The following KIAA0825 variants were observed in gnomAD, a reference collection of about 807,000 sequenced individuals.
The protein encoded by KIAA0825 is uncharacterized protein KIAA0825.
In KIAA0825, 119 loss-of-function variants were observed where a neutral mutation model predicts 147.6. That is an observed-to-expected ratio of 0.81 (90% CI 0.69 to 0.94). The LOEUF (loss-of-function observed/expected upper bound fraction) is 0.94, where lower values mean the gene tolerates loss of function less well. Ranked by LOEUF, KIAA0825 falls within the 40% of genes least tolerant of loss-of-function variation. The pLI, the probability that KIAA0825 is intolerant of heterozygous loss-of-function variation, is 0.00. For synonymous variants in KIAA0825, 470 were observed against 518.1 expected (o/e 0.91, Z 1.26); for missense variants, 1,381 against 1,472.7 (o/e 0.94, Z 1.02).
At chr5:94,537,188 G>A (rs1772214974) in intron 2 of KIAA0825, 61 bp from the exon 3 acceptor site, 1 of 1,378,876 alleles carries the variant, frequency 7.3e-7, no homozygotes, top group Non-Finnish European at 9.8e-7. Flanking sequence ...AGGGATAGGG[G>A]TGGGCAGAAA....
intron 12 of KIAA0825, among the ~76,000 whole-genome samples, chr5:94,453,496 A>AT (rs906414417): frequency 6.6e-6 from 1 of 151,836 alleles, no homozygotes; most frequent in Admixed American, 6.6e-5. Flanking sequence ...TCAGTTAAAG[A>AT]TTTTTACACA....
rs981986789 is a variant in KIAA0825, at chr5:94,597,255, A to G, written c.-152-14672T>C. On this transcript the variant is annotated intron_variant, in intron 1 of 20. Transcript: ENST00000682413. ...CCATCAAGAACATTATCCAAAATAG[A>G]CCATGTACCTAGGTCATAAACAAGT... 1.1e-4 allele frequency among the ~76,000 whole-genome samples: 17 copies of G among 152,298 alleles called. 1 individual carries two copies. The highest frequency in any genetic ancestry group is 3.8e-4 in the African/African-American group (16 of 41,566).
intron 1 of KIAA0825, among the ~76,000 whole-genome samples, chr5:94,605,702 A>G (rs145035017): frequency 0.019 from 2,962 of 152,312 alleles, 77 homozygotes; most frequent in African/African-American, 0.058. Flanking sequence ...AAGGCTTTTG[A>G]TAACATTCAA....
intron 16 of KIAA0825, among the ~76,000 whole-genome samples, chr5:94,402,573 G>T (rs183728): frequency 0.11 from 17,078 of 151,736 alleles, 1,137 homozygotes; most frequent in East Asian, 0.26. Context: ...GTAATATAAG[G>T]TCACAATATT....
chr5:94,280,536 C>G (rs996973641), intron 20 of KIAA0825, among the ~76,000 whole-genome samples: 1 of 152,006 alleles, frequency 6.6e-6, no homozygotes, highest in Non-Finnish European at 1.5e-5. Context: ...ATTGTTACAG[C>G]ATATTTGCAA....
intron 20 of KIAA0825, among the ~76,000 whole-genome samples, chr5:94,286,652 A>C (rs2150160384): frequency 6.6e-6 from 1 of 152,166 alleles, no homozygotes; most frequent in Middle Eastern, 3.4e-3. Flanking sequence ...TCTTGGGCTC[A>C]AGGGAGCCTC....
intron 5 of KIAA0825, among the ~76,000 whole-genome samples, chr5:94,504,104 TA>T (rs1765415971): frequency 6.6e-6 from 1 of 152,188 alleles, no homozygotes; most frequent in African/African-American, 2.4e-5. Flanking sequence ...TCAGAGCCCT[TA>T]AATTATCTTA....
At chr5:94,168,884 T>C (rs1176541137) in intron 20 of KIAA0825, among the ~76,000 whole-genome samples, 2 of 152,208 alleles carry the variant, frequency 1.3e-5, no homozygotes, top group Non-Finnish European at 2.9e-5. Context: ...TATAGACACT[T>C]GGTGTTTATT....
intron 1 of KIAA0825, among the ~76,000 whole-genome samples, chr5:94,607,531 C>A (rs928634483): frequency 2.0e-5 from 3 of 152,108 alleles, no homozygotes; most frequent in Non-Finnish European, 2.9e-5. Context: ...ATAGCTTGAA[C>A]CCACGAGACG....
rs117752902 is a variant in KIAA0825, at chr5:94,588,778, G to C, written c.-152-6195C>G. Among the ~76,000 whole-genome samples the C allele has an allele frequency of 2.0e-4, 30 of 152,162 alleles. 1 individual carries two copies. The East Asian group carries it at 5.8e-3, about 29-fold the overall frequency. ...GCACTATTCACAATATCACAGACTTGGAACCAACCCATATGTCCATCAATA... is the reference window on the plus strand; with the variant it reads ...GCACTATTCACAATATCACAGACTTCGAACCAACCCATATGTCCATCAATA... On this transcript the variant is annotated intron_variant, in intron 1 of 20. Coordinates refer to ENST00000682413, the MANE Select transcript of KIAA0825 (RefSeq NM_001145678.3).
intron 20 of KIAA0825, among the ~76,000 whole-genome samples, chr5:94,250,198 A>G (rs934311500): frequency 2.0e-5 from 3 of 152,152 alleles, no homozygotes; most frequent in African/African-American, 7.2e-5. Context: ...TTTAGAAATC[A>G]TACTACATTT....
intron 1 of KIAA0825, among the ~76,000 whole-genome samples, chr5:94,587,141 G>A (rs952251048): frequency 2.0e-5 from 3 of 152,196 alleles, no homozygotes; most frequent in African/African-American, 7.2e-5. Flanking sequence ...ACAAGACAAG[G>A]ATGCCCTCTC....
chr5:94,260,357 C>A (rs1027923357), intron 20 of KIAA0825, among the ~76,000 whole-genome samples: 4 of 152,106 alleles, frequency 2.6e-5, no homozygotes, highest in African/African-American at 9.7e-5. Flanking sequence ...TTATTAGTCA[C>A]ACTTTGTGGA....
chr5:94,438,834 T>C (rs769251467), intron 14 of KIAA0825, among the ~76,000 whole-genome samples: 36 of 152,164 alleles, frequency 2.4e-4, no homozygotes, highest in African/African-American at 5.5e-4. Context: ...TAGGGCCCGA[T>C]GACATTTGCC....
At chr5:94,610,792 T>A (rs1405032250) in intron 1 of KIAA0825, among the ~76,000 whole-genome samples, 9 of 121,964 alleles carry the variant, frequency 7.4e-5, no homozygotes, top group African/African-American at 2.4e-4. Flanking sequence ...AAAAAGTATA[T>A]ATATATATAT....
At position 94,275,967 on chromosome 5, in the gene KIAA0825, T is replaced by C. The variant is rs539617901; in HGVS notation, c.3710+108401A>G. Among the ~76,000 whole-genome samples the C allele has an allele frequency of 2.0e-5, 3 of 152,286 alleles. No homozygotes were observed. The East Asian group carries it at 5.8e-4, about 29-fold the overall frequency. On this transcript the variant is annotated intron_variant, in intron 20 of 20. Transcript: ENST00000682413. ...TGAACAGATACAATGGCCAAGTCTG[T>C]ATTTAATTTTAATTAAATTTCATTC...
intron 20 of KIAA0825, among the ~76,000 whole-genome samples, chr5:94,234,102 C>A (rs959781764): frequency 6.6e-6 from 1 of 152,044 alleles, no homozygotes; most frequent in Non-Finnish European, 1.5e-5. Flanking sequence ...CGCGGTGGCT[C>A]ACGCCTGTAA....
intron 20 of KIAA0825, among the ~76,000 whole-genome samples, chr5:94,381,212 A>T (rs981302867): frequency 2.0e-5 from 3 of 152,220 alleles, no homozygotes; most frequent in African/African-American, 7.2e-5. Context: ...TCGATCTTAC[A>T]GCAACTTCCT....
chr5:94,408,665 G>T (rs1364302099), intron 15 of KIAA0825, among the ~76,000 whole-genome samples: 2 of 152,056 alleles, frequency 1.3e-5, no homozygotes. Flanking sequence ...GAGCCACCAC[G>T]CCTGGCCCAG....
Sources: gnomAD v4.1 joint callset for allele counts (sites outside exome capture counted in the v4.1 genomes callset) on GRCh38, gnomAD v4.1.1 for gene constraint, MANE v1.5 for transcripts, NCBI Gene and HGNC (gene_info 2026-07-23, HGNC 2026-07-21) for gene names.